Variants in CCDC171 observed in about 807,000 individuals in gnomAD.
The protein encoded by CCDC171 is coiled-coil domain containing 171.
Under a neutral mutation model 168.2 loss-of-function variants are expected in CCDC171, and 177 were observed. The observed-to-expected ratio is 1.05, with a 90% CI of 0.93 to 1.19. The LOEUF (loss-of-function observed/expected upper bound fraction) is 1.19, where lower values mean the gene tolerates loss of function less well. Among genes scored for constraint, CCDC171 ranks in the 50% most tolerant of loss-of-function variants. The probability of loss-of-function intolerance (pLI) is 0.00; values close to 1 mark genes in which losing one functional copy is unlikely to be tolerated. For missense variants in CCDC171, 1,991 were observed against 1,539.0 expected, an observed-to-expected ratio of 1.29 and a Z score of -4.91; for synonymous variants, 687 against 540.8, an observed-to-expected ratio of 1.27 and a Z score of -3.75.
At chr9:15,808,717 G>T (rs2059186151) in intron 21 of CCDC171, among the ~76,000 whole-genome samples, 1 of 152,166 alleles carries the variant, frequency 6.6e-6, no homozygotes, top group Admixed American at 6.5e-5. Context: ...AGATGAAGAG[G>T]TCAGGGAAAT....
intron 3 of CCDC171, among the ~76,000 whole-genome samples, chr9:15,999,434 G>C (rs1832474042): frequency 6.6e-6 from 1 of 151,716 alleles, no homozygotes; most frequent in Non-Finnish European, 1.5e-5. Context: ...GAGGGAGGGA[G>C]AGAGGTGAAA....
At chr9:16,021,772 T>C (rs975591891) in intron 4 of CCDC171, among the ~76,000 whole-genome samples, 3 of 152,218 alleles carry the variant, frequency 2.0e-5, no homozygotes. Flanking sequence ...TTAGAGTGAA[T>C]TCAAGATTTG....
intron 7 of CCDC171, among the ~76,000 whole-genome samples, chr9:15,642,555 G>C (rs1000805379): frequency 2.0e-5 from 3 of 151,400 alleles, no homozygotes; most frequent in Non-Finnish European, 1.5e-5. Context: ...TGCTGGATTT[G>C]AGAATTAATT....
intron 3 of CCDC171, among the ~76,000 whole-genome samples, chr9:15,993,127 T>A (rs567927598): frequency 7.2e-5 from 11 of 151,962 alleles, no homozygotes; most frequent in African/African-American, 2.7e-4. Context: ...AAAAGAGCCC[T>A]CATTGCCAAA....
At chr9:15,572,458 A>T (rs1414820669) in intron 3 of CCDC171, among the ~76,000 whole-genome samples, 4 of 152,104 alleles carry the variant, frequency 2.6e-5, no homozygotes, top group South Asian at 2.1e-4. Context: ...TGGGCTACTC[A>T]TTTATCCTGT....
intron 1 of CCDC171, among the ~76,000 whole-genome samples, chr9:16,056,971 A>T (rs1257125275): frequency 6.6e-6 from 1 of 152,216 alleles, no homozygotes; most frequent in Non-Finnish European, 1.5e-5. Flanking sequence ...GAAGTATTGG[A>T]GTTTTTATTT....
chr9:15,856,053 C>T (rs1329479747), intron 23 of CCDC171, among the ~76,000 whole-genome samples: 1 of 151,806 alleles, frequency 6.6e-6, no homozygotes, highest in Non-Finnish European at 1.5e-5. Context: ...GTCTAGTATC[C>T]TTTCATTTCA....
At chr9:15,882,301 T>C (rs1818752674) in intron 24 of CCDC171, among the ~76,000 whole-genome samples, 1 of 152,242 alleles carries the variant, frequency 6.6e-6, no homozygotes, top group African/African-American at 2.4e-5. Flanking sequence ...GTTATTTTGC[T>C]ATTGAGTTGT....
At chr9:15,627,230 G>C (rs1272496773) in intron 7 of CCDC171, among the ~76,000 whole-genome samples, 1 of 151,876 alleles carries the variant, frequency 6.6e-6, no homozygotes, top group South Asian at 2.1e-4. Context: ...AGTCTTGCTA[G>C]CTGTCTATCA....
chr9:16,078,238 C>A, the CCDC171 span, among the ~76,000 whole-genome samples: 1 of 152,092 alleles, frequency 6.6e-6, no homozygotes, highest in Non-Finnish European at 1.5e-5. Context: ...AAAAAAATGA[C>A]CAATCCAAAG....
intron 1 of CCDC171, among the ~76,000 whole-genome samples, chr9:15,561,615 CT>C (rs1342654481): frequency 6.6e-6 from 1 of 151,982 alleles, no homozygotes; most frequent in Non-Finnish European, 1.5e-5. Flanking sequence ...CATTCCTTGC[CT>C]TTTTACCTGG....
intron 3 of CCDC171, among the ~76,000 whole-genome samples, chr9:16,005,904 T>C (rs1355080901): frequency 6.6e-6 from 1 of 152,048 alleles, no homozygotes; most frequent in East Asian, 1.9e-4. Flanking sequence ...TGCTAGATTG[T>C]TTTCTTTTTT....
At chr9:15,782,832 A>T (rs2057735851) in intron 20 of CCDC171, among the ~76,000 whole-genome samples, 1 of 152,206 alleles carries the variant, frequency 6.6e-6, no homozygotes, top group Non-Finnish European at 1.5e-5. Context: ...TTAAACAGCG[A>T]GTAAAAAGTT....
rs539576431 is a variant in CCDC171 at position 15,958,191 on chromosome 9, T to A, written c.3754-13418T>A. On this transcript the variant is annotated intron_variant, in intron 25 of 25. Transcript: ENST00000380701. ...GTATAGAGTACCTGCTCTGTACCTG[T>A]CACTGTGCAGGCCACTGGTAATACA... Among the ~76,000 whole-genome samples the A allele has an allele frequency of 1.0e-3, 154 of 152,100 alleles. 1 individual carries two copies. The highest frequency in any genetic ancestry group is 3.3e-3 in the African/African-American group (136 of 41,458).
At chr9:15,855,846 T>A (rs1260519550) in intron 23 of CCDC171, among the ~76,000 whole-genome samples, 4 of 151,942 alleles carry the variant, frequency 2.6e-5, no homozygotes, top group African/African-American at 9.7e-5. Flanking sequence ...TCTCTTCATG[T>A]TGTTACAAAT....
At chr9:15,859,360 T>C (rs1440803724) in intron 23 of CCDC171, among the ~76,000 whole-genome samples, 3 of 151,978 alleles carry the variant, frequency 2.0e-5, no homozygotes, top group African/African-American at 7.3e-5. Context: ...TTTCTTGTGA[T>C]GTCCTTGTCT....
At chr9:15,852,270 T>G (rs1409878746) in intron 23 of CCDC171, among the ~76,000 whole-genome samples, 1 of 151,974 alleles carries the variant, frequency 6.6e-6, no homozygotes, top group South Asian at 2.1e-4. Flanking sequence ...TTAATGGCCA[T>G]CCTAGTGACT....
intron 10 of CCDC171, among the ~76,000 whole-genome samples, chr9:15,691,436 C>T (rs2050768669): frequency 6.8e-6 from 1 of 148,110 alleles, no homozygotes; most frequent in African/African-American, 2.5e-5. Context: ...ATTGAATTAC[C>T]TTTTATTTTT....
At chr9:15,930,617 A>G (rs973412442) in intron 25 of CCDC171, among the ~76,000 whole-genome samples, 3 of 151,660 alleles carry the variant, frequency 2.0e-5, no homozygotes, top group Admixed American at 6.6e-5. Context: ...ACTGAGTTAA[A>G]ATGAACTCTA....
Sources: allele counts gnomAD v4.1 joint callset (sites outside exome capture counted in the v4.1 genomes callset), GRCh38; gene constraint gnomAD v4.1.1; transcripts MANE v1.5; gene names NCBI Gene and HGNC (gene_info 2026-07-23, HGNC 2026-07-21).